Variants in ACACA observed in about 807,000 individuals in gnomAD.
The protein encoded by ACACA is acetyl-CoA carboxylase alpha, also known as acetyl-CoA carboxylase 1.
A neutral mutation model predicts 296.1 loss-of-function variants in ACACA; 103 were observed. That is an observed-to-expected ratio of 0.35 (90% CI 0.30 to 0.41). ACACA has a LOEUF of 0.41. Among genes scored for constraint, ACACA ranks in the 10% least tolerant of loss-of-function variants. The pLI, the probability that ACACA is intolerant of heterozygous loss-of-function variation, is 1.00. For synonymous variants in ACACA, 953 were observed against 1,038.6 expected (o/e 0.92, Z 1.58); for missense variants, 1,554 against 2,989.7 (o/e 0.52, Z 11.20).
At chr17:37,170,500 A>C (rs951094680) in intron 41 of ACACA, among the ~76,000 whole-genome samples, 30 of 152,162 alleles carry the variant, frequency 2.0e-4, no homozygotes, top group Admixed American at 1.6e-3. Flanking sequence ...AATTATTCAC[A>C]ACCTCCGATC....
intron 45 of ACACA, chr17:37,140,736 T>G: frequency 4.5e-6 from 1 of 220,112 alleles, no homozygotes; most frequent in East Asian, 1.1e-4. Context: ...AGGTCGGGGG[T>G]CAGGTAGCTG....
chr17:37,339,502 C>T (rs1029746048), intron 2 of ACACA, among the ~76,000 whole-genome samples: 1 of 152,152 alleles, frequency 6.6e-6, no homozygotes, highest in Non-Finnish European at 1.5e-5. Flanking sequence ...TTCCCAGGCA[C>T]GAGCCTACAA....
At chr17:37,227,282 G>A (rs2079581667) in intron 25 of ACACA, among the ~76,000 whole-genome samples, 1 of 152,006 alleles carries the variant, frequency 6.6e-6, no homozygotes, top group African/African-American at 2.4e-5. Context: ...CATCTAAGCT[G>A]AAAAAAATGT....
intron 2 of ACACA, among the ~76,000 whole-genome samples, chr17:37,337,818 C>T (rs751804561): frequency 5.3e-5 from 8 of 150,670 alleles, no homozygotes; most frequent in East Asian, 2.0e-4. Flanking sequence ...CTAGAATCAG[C>T]TGGGCGCAGT....
In ACACA at chr17:37,306,720, A is replaced by G. The variant is rs187415156; in HGVS notation, c.339-21750T>C. On this transcript the variant is annotated intron_variant, in intron 3 of 55. Coordinates refer to ENST00000616317, the MANE Select transcript of ACACA (RefSeq NM_198834.3). ...ATTATTATTTTTTTTTTTGCAATGG[A>G]GTCTTGCTCTGTCACCCAGGCTGGA... Among the ~76,000 whole-genome samples, 3 of 151,218 alleles carry G rather than the reference A, an allele frequency of 2.0e-5. No homozygotes were observed. In the East Asian group the frequency reaches 5.8e-4, roughly 29 times the overall value.
chr17:37,194,933 A>ACCC (rs111271581), intron 35 of ACACA, among the ~76,000 whole-genome samples: 23 of 150,554 alleles, frequency 1.5e-4, no homozygotes, highest in African/African-American at 4.4e-4. Context: ...ATTCTCTGAC[A>ACCC]CCCCCCCCAC....
At chr17:37,129,632 G>A (rs939268923) in intron 46 of ACACA, 147 bp from the exon 47 acceptor site, 19 of 1,085,850 alleles carry the variant, frequency 1.7e-5, no homozygotes, top group African/African-American at 7.8e-5. Context: ...AGAATCCTAC[G>A]TATGTGCCAG....
At chr17:37,163,636 G>T (rs186328071) in intron 41 of ACACA, among the ~76,000 whole-genome samples, 1 of 152,274 alleles carries the variant, frequency 6.6e-6, no homozygotes, top group East Asian at 1.9e-4. Flanking sequence ...ACTCTTTACT[G>T]ATTTGTTTCA....
intron 12 of ACACA, 123 bp downstream of exon 12, chr17:37,259,237 A>G: frequency 1.8e-6 from 2 of 1,118,478 alleles, no homozygotes; most frequent in Non-Finnish European, 2.7e-6. Context: ...AGGGTGAAAG[A>G]GAAATGACCA....
chr17:37,143,627 A>T (rs1328619080), intron 45 of ACACA: 30 of 866,448 alleles, frequency 3.5e-5, no homozygotes, highest in Non-Finnish European at 4.3e-5. Context: ...TGAGTTGTAT[A>T]CAGGGGGGTT....
At chr17:37,200,055 C>T (rs552633884) in intron 35 of ACACA, 84 bp downstream of exon 35, 2 of 1,000,814 alleles carry the variant, frequency 2.0e-6, no homozygotes, top group Admixed American at 1.8e-5. Flanking sequence ...CAGTCCAGCC[C>T]TTCTAACATA....
At chr17:37,169,066 G>A (rs573628978) in intron 41 of ACACA, among the ~76,000 whole-genome samples, 13 of 152,302 alleles carry the variant, frequency 8.5e-5, no homozygotes, top group Admixed American at 2.0e-4. Flanking sequence ...TGCACTGATA[G>A]GCAGGGAAGG....
intron 41 of ACACA, among the ~76,000 whole-genome samples, chr17:37,178,750 G>A (rs1301693805): frequency 1.3e-5 from 2 of 152,108 alleles, no homozygotes; most frequent in Non-Finnish European, 2.9e-5. Flanking sequence ...GCAGTGAGCT[G>A]AGATTGAGCC....
intron 3 of ACACA, among the ~76,000 whole-genome samples, chr17:37,288,123 C>T (rs1249592204): frequency 1.3e-5 from 2 of 152,168 alleles, no homozygotes; most frequent in East Asian, 1.9e-4. Flanking sequence ...CACTATGCAA[C>T]ATATCTAATG....
intron 3 of ACACA, among the ~76,000 whole-genome samples, chr17:37,293,275 A>G (rs2083162637): frequency 6.6e-6 from 1 of 152,176 alleles, no homozygotes; most frequent in South Asian, 2.1e-4. Flanking sequence ...GAATTAGACA[A>G]AATTATTATT....
chr17:37,371,772 C>T (rs1381662342), intron 1 of ACACA, among the ~76,000 whole-genome samples: 1 of 151,780 alleles, frequency 6.6e-6, no homozygotes, highest in African/African-American at 2.4e-5. Context: ...TGGTGATGGG[C>T]GCTTGTAATC....
chr17:37,403,390 G>C (rs1225825540), intron 1 of ACACA, among the ~76,000 whole-genome samples: 4 of 73,908 alleles, frequency 5.4e-5, no homozygotes, highest in African/African-American at 2.0e-4. Flanking sequence ...TTTTTTTTTT[G>C]GTACAGTGTC....
chr17:37,151,137 T>C lies in ACACA; in HGVS notation c.5568+164A>G, dbSNP rs7219583. Among the ~76,000 whole-genome samples the C allele has an allele frequency of 0.02, 3,099 of 152,312 alleles. 104 individuals carry two copies. Among genetic ancestry groups the C allele is most frequent in the African/African-American group, 0.07 (2,925 of 41,576 alleles). On this transcript the variant is annotated intron_variant, in intron 44 of 55. Transcript: ENST00000616317. ...TTTGTTTGAAAAATTCAGTTATTTATATTATCCTATCTTCCTATTATCATG... is the reference window on the plus strand; with the variant it reads ...TTTGTTTGAAAAATTCAGTTATTTACATTATCCTATCTTCCTATTATCATG...
chr17:37,289,738 C>A (rs954854587), intron 3 of ACACA, among the ~76,000 whole-genome samples: 3 of 152,172 alleles, frequency 2.0e-5, no homozygotes, highest in African/African-American at 7.2e-5. Context: ...TACTCCAATT[C>A]ATTCTTCAAA....
Sources: allele counts gnomAD v4.1 joint callset (sites outside exome capture counted in the v4.1 genomes callset), GRCh38; gene constraint gnomAD v4.1.1; transcripts MANE v1.5; gene names NCBI Gene and HGNC (gene_info 2026-07-23, HGNC 2026-07-21).